SIPA1L2: variants seen among roughly 807,000 people sequenced by gnomAD.
SIPA1L2 encodes the protein signal-induced proliferation-associated 1-like protein 2.
In SIPA1L2, 56 loss-of-function variants were observed where a neutral mutation model predicts 163.9. The ratio of observed to expected loss-of-function variants is 0.34; its 90% CI spans 0.28 to 0.43. The LOEUF is 0.43. Ranked by LOEUF, SIPA1L2 falls within the 20% of genes least tolerant of loss-of-function variation. SIPA1L2 has a pLI of 1.00. For missense variants in SIPA1L2, 1,974 were observed against 2,193.5 expected (o/e 0.90, Z 2.00); for synonymous variants, 877 against 865.7 (o/e 1.01, Z -0.23).
chr1:232,461,822 C>T (rs753438788), intron 9 of SIPA1L2, among the ~76,000 whole-genome samples: 5 of 152,146 alleles, frequency 3.3e-5, no homozygotes, highest in Non-Finnish European at 7.4e-5. Context: ...GTGTTCTGTC[C>T]CCTAGGGTCC....
chr1:232,513,673 G>C (rs527669307), intron 3 of SIPA1L2, among the ~76,000 whole-genome samples, 184 bp downstream of exon 3: 118 of 152,286 alleles, frequency 7.7e-4, no homozygotes, highest in African/African-American at 2.7e-3. Context: ...TGGAATTGCA[G>C]TTTTCTAAAG....
intron 2 of SIPA1L2, among the ~76,000 whole-genome samples, chr1:232,572,730 C>T (rs796162585): frequency 0.011 from 238 of 20,888 alleles, 4 homozygotes; most frequent in African/African-American, 0.059. Flanking sequence ...CACATATATA[C>T]ATACATACAT....
At chr1:232,467,569 C>T (rs1335985927) in intron 8 of SIPA1L2, among the ~76,000 whole-genome samples, 1 of 152,220 alleles carries the variant, frequency 6.6e-6, no homozygotes, top group Non-Finnish European at 1.5e-5. Context: ...CTTCTCTACG[C>T]TGTCAATGAG....
intron 2 of SIPA1L2, among the ~76,000 whole-genome samples, chr1:232,573,311 G>A (rs541000242): frequency 1.0e-3 from 154 of 152,294 alleles, no homozygotes; most frequent in African/African-American, 3.4e-3. Context: ...GTAAGGAATC[G>A]ATATTAGCTA....
rs1558157635 is a variant in SIPA1L2, at chr1:232,415,626, CT to C, written c.4631-2del. ...GACCCATCGGAGAACCAGAACTCAT[CT>C]AAACAGAAACAAAACCAGAGAGTCA... is the stretch of plus-strand genomic sequence containing the variant. On this transcript the variant is annotated splice_acceptor_variant, in intron 18 of 22. Coordinates refer to ENST00000674635, the MANE Select transcript of SIPA1L2 (RefSeq NM_020808.5). LOFTEE classifies it high-confidence loss of function. 6.2e-7 allele frequency: 1 copy of C among 1,614,006 alleles called. No individual in the cohort carries two copies. Among genetic ancestry groups the C allele is most frequent in the South Asian group, 1.1e-5 (1 of 91,058 alleles).
chr1:232,551,376 C>T (rs1658370465), intron 2 of SIPA1L2, among the ~76,000 whole-genome samples: 1 of 152,214 alleles, frequency 6.6e-6, no homozygotes, highest in Non-Finnish European at 1.5e-5. Flanking sequence ...ACTTCAACAT[C>T]CAGTATCTAA....
chr1:232,426,177 C>T (rs1216876047), intron 17 of SIPA1L2, among the ~76,000 whole-genome samples: 6 of 152,218 alleles, frequency 3.9e-5, no homozygotes, highest in Non-Finnish European at 7.3e-5. Context: ...CCACATAATA[C>T]TGGTTTGATT....
At chr1:232,484,363 T>C (rs1665539803) in intron 5 of SIPA1L2, among the ~76,000 whole-genome samples, 1 of 152,202 alleles carries the variant, frequency 6.6e-6, no homozygotes, top group South Asian at 2.1e-4. Context: ...GCTACAAACC[T>C]TTAAGTTTTT....
intron 1 of SIPA1L2, among the ~76,000 whole-genome samples, chr1:232,612,410 G>T (rs1162027586): frequency 6.6e-6 from 1 of 152,186 alleles, no homozygotes; most frequent in African/African-American, 2.4e-5. Flanking sequence ...GACACTCAAT[G>T]CCAGCCCATG....
intron 2 of SIPA1L2, among the ~76,000 whole-genome samples, chr1:232,520,713 C>T (rs1667424769): frequency 6.6e-6 from 1 of 152,018 alleles, no homozygotes; most frequent in Non-Finnish European, 1.5e-5. Flanking sequence ...GCCAGTATCC[C>T]AACAGCTCTA....
chr1:232,417,849 G>C (rs921787137), intron 18 of SIPA1L2, among the ~76,000 whole-genome samples: 1 of 152,174 alleles, frequency 6.6e-6, no homozygotes, highest in African/African-American at 2.4e-5. Flanking sequence ...TGGGCTCTTC[G>C]GGAAACGGTG....
intron 3 of SIPA1L2, among the ~76,000 whole-genome samples, chr1:232,506,599 A>G (rs1031332694): frequency 6.6e-6 from 1 of 152,250 alleles, no homozygotes. Flanking sequence ...CACAAATTCT[A>G]GAAGAATCAA....
At chr1:232,598,373 T>C (rs971540386) in intron 1 of SIPA1L2, among the ~76,000 whole-genome samples, 1 of 152,176 alleles carries the variant, frequency 6.6e-6, no homozygotes, top group African/African-American at 2.4e-5. Context: ...ATGGCATCAA[T>C]GTACTCCAGC....
At chr1:232,441,132 T>G (rs1015743627) in intron 14 of SIPA1L2, among the ~76,000 whole-genome samples, 159 bp downstream of exon 14, 15 of 152,254 alleles carry the variant, frequency 9.9e-5, no homozygotes, top group Non-Finnish European at 1.8e-4. Flanking sequence ...TGAGGTCCTT[T>G]ATAAATCAGG....
chr1:232,487,415 A>C (rs1665696067), intron 5 of SIPA1L2, among the ~76,000 whole-genome samples: 1 of 152,216 alleles, frequency 6.6e-6, no homozygotes, highest in Admixed American at 6.5e-5. Context: ...CGGTTGAAAC[A>C]AATCTGATAT....
intron 2 of SIPA1L2, among the ~76,000 whole-genome samples, chr1:232,540,228 C>T (rs1452334290): frequency 6.6e-6 from 1 of 152,050 alleles, no homozygotes; most frequent in Admixed American, 6.6e-5. Flanking sequence ...CACTTGAACC[C>T]GGGAGGTGGA....
At position 232,432,503 on chromosome 1, in the gene SIPA1L2, C is replaced by T. The variant is rs752524473; in HGVS notation, c.4032-32G>A. ...AGAAAAACAGACAAAAGCTGCAATA[C>T]AATCTGATTTCAGCAGTGCTGGCAC... On this transcript the variant is annotated intron_variant, in intron 15 of 22. Transcript: ENST00000674635. 4 of 1,586,658 alleles carry T rather than the reference C, an allele frequency of 2.5e-6. No individual in the cohort carries two copies. In the Admixed American group the frequency reaches 6.7e-5, roughly 27 times the overall value.
At chr1:232,493,427 A>G in intron 4 of SIPA1L2, 100 bp downstream of exon 4, 1 of 1,428,680 alleles carries the variant, frequency 7.0e-7, no homozygotes, top group Non-Finnish European at 9.5e-7. Context: ...TTAACATTAA[A>G]AAAAAATAAA....
intron 19 of SIPA1L2, among the ~76,000 whole-genome samples, chr1:232,410,063 T>C (rs970456867): frequency 6.6e-5 from 10 of 152,188 alleles, no homozygotes; most frequent in African/African-American, 2.4e-4. Flanking sequence ...CCAACATTTA[T>C]CCCTTTTTTT....
Sources: gnomAD v4.1 joint callset for allele counts (sites outside exome capture counted in the v4.1 genomes callset) on GRCh38, gnomAD v4.1.1 for gene constraint, MANE v1.5 for transcripts, NCBI Gene and HGNC (gene_info 2026-07-23, HGNC 2026-07-21) for gene names.